LUZP2: variants seen among roughly 807,000 people sequenced by gnomAD.
The protein encoded by LUZP2 is leucine zipper protein 2.
Under a neutral mutation model 51.6 loss-of-function variants are expected in LUZP2, and 52 were observed. That is an observed-to-expected ratio of 1.01 (90% CI 0.81 to 1.27). The LOEUF (loss-of-function observed/expected upper bound fraction) is 1.27. LUZP2 is among the 50% of genes most tolerant of loss of function. The probability of loss-of-function intolerance (pLI) is 0.00; values close to 1 mark genes in which losing one functional copy is unlikely to be tolerated. For synonymous variants in LUZP2, 154 were observed against 137.3 expected (o/e 1.12, Z -0.85); for missense variants, 436 against 395.4 (o/e 1.10, Z -0.87).
intron 1 of LUZP2, among the ~76,000 whole-genome samples, chr11:24,626,816 T>G (rs1854700925): frequency 6.6e-6 from 1 of 152,286 alleles, no homozygotes; most frequent in South Asian, 2.1e-4. Context: ...ATCATGAAAT[T>G]GAGAATCTGC....
intron 1 of LUZP2, among the ~76,000 whole-genome samples, chr11:24,658,228 T>G (rs1327798513): frequency 6.6e-6 from 1 of 152,092 alleles, no homozygotes; most frequent in Non-Finnish European, 1.5e-5. Flanking sequence ...AAAACAGAGA[T>G]ATAGATCAAT....
chr11:24,824,372 A>AAAAAAAAAAAAAAAAAAAAAC, intron 5 of LUZP2, among the ~76,000 whole-genome samples: 1 of 143,174 alleles, frequency 7.0e-6, no homozygotes, highest in Non-Finnish European at 1.5e-5. Context: ...ATCTCAAAAA[A>AAAAAAAAAAAAAAAAAAAAAC]AAAAAAAAAA....
At chr11:24,937,313 C>G (rs779327561) in intron 7 of LUZP2, among the ~76,000 whole-genome samples, 13 of 151,992 alleles carry the variant, frequency 8.6e-5, no homozygotes, top group Non-Finnish European at 1.5e-4. Flanking sequence ...GATCTAATTT[C>G]TTTATTAAGT....
intron 1 of LUZP2, among the ~76,000 whole-genome samples, chr11:24,709,069 G>T (rs758011366): frequency 6.6e-6 from 1 of 152,124 alleles, no homozygotes; most frequent in African/African-American, 2.4e-5. Context: ...CAAAGAAGAG[G>T]ATTTTCAGTT....
At chr11:24,820,249 C>T (rs113404934) in intron 5 of LUZP2, among the ~76,000 whole-genome samples, 2 of 152,118 alleles carry the variant, frequency 1.3e-5, no homozygotes, top group African/African-American at 2.4e-5. Flanking sequence ...GTCATAGGCA[C>T]TCACAGGAGC....
intron 10 of LUZP2, among the ~76,000 whole-genome samples, chr11:25,056,122 T>A (rs1387023258): frequency 6.6e-6 from 1 of 152,124 alleles, no homozygotes; most frequent in Admixed American, 6.6e-5. Flanking sequence ...TGTAATGTAT[T>A]TATAGTGAGT....
At position 24,789,170 on chromosome 11, in the gene LUZP2, T is replaced by C. The variant is rs1234325916; in HGVS notation, c.396+25862T>C. ...AGTACGCTCTATGGACAACATCAAT[T>C]TGTTCTTTCATCATTTGGCTTTCAT... On this transcript the variant is annotated intron_variant, in intron 5 of 11. Transcript: ENST00000336930. Among the ~76,000 whole-genome samples the C allele has an allele frequency of 2.6e-5, 4 of 152,164 alleles. No homozygotes were observed. In the East Asian group the frequency reaches 7.7e-4, roughly 29 times the overall value.
chr11:24,945,931 T>G (rs533091910), intron 7 of LUZP2, among the ~76,000 whole-genome samples: 3 of 152,238 alleles, frequency 2.0e-5, no homozygotes, highest in African/African-American at 7.2e-5. Context: ...ATTGTCTTCA[T>G]CACAAAAAGA....
At chr11:24,529,853 T>G (rs1031980015) in intron 1 of LUZP2, among the ~76,000 whole-genome samples, 25 of 150,998 alleles carry the variant, frequency 1.7e-4, no homozygotes, top group African/African-American at 6.1e-4. Context: ...TATCTTCATT[T>G]TAATAATTAA....
At chr11:24,617,592 G>A (rs1260226123) in intron 1 of LUZP2, among the ~76,000 whole-genome samples, 1 of 152,106 alleles carries the variant, frequency 6.6e-6, no homozygotes, top group East Asian at 1.9e-4. Context: ...AAGCCAAGGT[G>A]GGCAGATTGC....
chr11:24,975,831 A>G (rs1855867416), intron 7 of LUZP2, among the ~76,000 whole-genome samples: 1 of 152,020 alleles, frequency 6.6e-6, no homozygotes, highest in Non-Finnish European at 1.5e-5. Context: ...ATGGTAGGAT[A>G]GAGAAGTGTA....
chr11:24,534,437 TTTCTC>T (rs1851107441), intron 1 of LUZP2, among the ~76,000 whole-genome samples: 1 of 141,628 alleles, frequency 7.1e-6, no homozygotes, highest in South Asian at 2.1e-4. Context: ...TACACATACA[TTTCTC>T]TATCTAGAAA....
chr11:24,848,127 G>A (rs1851260949), intron 5 of LUZP2, among the ~76,000 whole-genome samples: 1 of 151,692 alleles, frequency 6.6e-6, no homozygotes, highest in African/African-American at 2.4e-5. Context: ...CAGCAAACAG[G>A]ACTAATATAT....
chr11:24,873,841 A>AAAAACT (rs1184779092), intron 5 of LUZP2, among the ~76,000 whole-genome samples: 1 of 152,210 alleles, frequency 6.6e-6, no homozygotes, highest in African/African-American at 2.4e-5. Context: ...TGTTAAATAG[A>AAAAACT]AAAACTACAT....
intron 1 of LUZP2, among the ~76,000 whole-genome samples, chr11:24,583,184 AT>A (rs1479385738): frequency 3.3e-5 from 5 of 152,128 alleles, no homozygotes; most frequent in African/African-American, 1.2e-4. Flanking sequence ...ATTATATGTA[AT>A]ATACATGAAT....
At chr11:24,508,473 A>G (rs1564959061) in intron 1 of LUZP2, among the ~76,000 whole-genome samples, 1 of 152,194 alleles carries the variant, frequency 6.6e-6, no homozygotes, top group East Asian at 1.9e-4. Flanking sequence ...ATAATCATAT[A>G]TTAGCATGGT....
rs371273873 is a variant in LUZP2, at chr11:24,571,131, A to G, written c.62+73826A>G. ...AGATGGGTTGCCACAAGAAGCAGCGATTTCTCCAGCTACAGGGATATTGAG... is the reference window on the plus strand; with the variant it reads ...AGATGGGTTGCCACAAGAAGCAGCGGTTTCTCCAGCTACAGGGATATTGAG... On this transcript the variant is annotated intron_variant, in intron 1 of 11. Transcript: ENST00000336930. Among the ~76,000 whole-genome samples, 6 of 152,066 alleles carry G rather than the reference A, an allele frequency of 3.9e-5. No homozygotes were observed. The East Asian group carries it at 9.6e-4, about 24-fold the overall frequency.
chr11:24,815,013 T>A lies in LUZP2; in HGVS notation c.396+51705T>A, dbSNP rs531629195. ...TCTCAAAAAAAAAAAAAAATAAAAA[T>A]AATCAATGTGAAAGCAAAATTGATT... is the stretch of plus-strand genomic sequence containing the variant. On this transcript the variant is annotated intron_variant, in intron 5 of 11. Transcript: ENST00000336930. 4.0e-4 allele frequency among the ~76,000 whole-genome samples: 59 copies of A among 146,002 alleles called. 1 individual carries two copies. The highest frequency in any genetic ancestry group is 1.1e-3 in the Admixed American group (16 of 14,630).
chr11:24,516,615 T>A (rs73429132), intron 1 of LUZP2, among the ~76,000 whole-genome samples: 15,172 of 152,220 alleles, frequency 0.1, 1,130 homozygotes, highest in African/African-American at 0.21. Context: ...ACATTCCATC[T>A]TAAGACAATA....
Sources: gnomAD v4.1 joint callset for allele counts (sites outside exome capture counted in the v4.1 genomes callset) on GRCh38, gnomAD v4.1.1 for gene constraint, MANE v1.5 for transcripts, NCBI Gene and HGNC (gene_info 2026-07-23, HGNC 2026-07-21) for gene names.